The following ARMC2 variants were observed in gnomAD, a reference collection of about 807,000 sequenced individuals.
ARMC2 encodes armadillo repeat containing 2.
ARMC2 carries 67 observed loss-of-function variants against 90.3 expected under a neutral mutation model. That is an observed-to-expected ratio of 0.74 (90% CI 0.61 to 0.91). The LOEUF (loss-of-function observed/expected upper bound fraction) is 0.91, where lower values mean the gene tolerates loss of function less well. ARMC2 is among the 40% of genes least tolerant of loss of function. The probability of loss-of-function intolerance (pLI) is 0.00; values close to 1 mark genes in which losing one functional copy is unlikely to be tolerated. For synonymous variants in ARMC2, 393 were observed against 393.0 expected, an observed-to-expected ratio of 1.00 and a Z score of 0.00; for missense variants, 920 against 1,030.9, an observed-to-expected ratio of 0.89 and a Z score of 1.47.
chr6:109,014,396 C>G, the ARMC2 span, among the ~76,000 whole-genome samples: 1 of 152,120 alleles, frequency 6.6e-6, no homozygotes, highest in Non-Finnish European at 1.5e-5. Context: ...AAAGTATGGG[C>G]AACTTGACCA....
the ARMC2 span, among the ~76,000 whole-genome samples, chr6:109,027,476 CA>C: frequency 0.076 from 2,071 of 27,256 alleles, 7 homozygotes; most frequent in African/African-American, 0.18. Context: ...GACTCTGTCT[CA>C]AAAAAAAAAA....
chr6:109,028,976 T>C, the ARMC2 span, among the ~76,000 whole-genome samples: 1 of 152,210 alleles, frequency 6.6e-6, no homozygotes, highest in Non-Finnish European at 1.5e-5. Flanking sequence ...ATTAACTGTC[T>C]CATAGAGATT....
chr6:108,963,743 T>G (rs1236919660), intron 15 of ARMC2, among the ~76,000 whole-genome samples: 1 of 152,202 alleles, frequency 6.6e-6, no homozygotes, highest in Non-Finnish European at 1.5e-5. Flanking sequence ...AGTCTGAGTC[T>G]TACACATGGC....
intron 11 of ARMC2, among the ~76,000 whole-genome samples, chr6:108,932,087 T>C (rs1427829291): frequency 6.6e-6 from 1 of 151,934 alleles, no homozygotes; most frequent in Non-Finnish European, 1.5e-5. Context: ...TTTGGTGGGG[T>C]TGTTTTTCTC....
At chr6:108,894,318 A>G (rs1281549460) in intron 5 of ARMC2, 149 bp from the exon 6 acceptor site, 6 of 628,768 alleles carry the variant, frequency 9.5e-6, no homozygotes, top group Non-Finnish European at 1.5e-5. Context: ...GTGAGCTATG[A>G]TCACAGCACC....
chr6:109,016,564 A>G, the ARMC2 span, among the ~76,000 whole-genome samples: 1 of 152,192 alleles, frequency 6.6e-6, no homozygotes, highest in African/African-American at 2.4e-5. Context: ...TATTTTAAAA[A>G]TAAAATGCTG....
intron 12 of ARMC2, among the ~76,000 whole-genome samples, chr6:108,951,524 G>T (rs1486708608): frequency 6.6e-6 from 1 of 152,208 alleles, no homozygotes; most frequent in East Asian, 1.9e-4. Flanking sequence ...TTTGGCAAAT[G>T]GTTTCCGGTT....
chr6:109,026,484 A>G, the ARMC2 span, among the ~76,000 whole-genome samples: 4 of 152,130 alleles, frequency 2.6e-5, no homozygotes, highest in African/African-American at 9.7e-5. Flanking sequence ...TGGCTAAATC[A>G]TATAATAGGT....
the ARMC2 span, among the ~76,000 whole-genome samples, chr6:108,981,711 A>G: frequency 6.6e-6 from 1 of 151,304 alleles, no homozygotes; most frequent in Non-Finnish European, 1.5e-5. Flanking sequence ...TCTGTTACCC[A>G]AGCTGGAGTG....
rs556160478 is a variant in ARMC2, at chr6:108,848,471, C to A, written c.-119C>A. 4.9e-4 allele frequency: 74 copies of A among 152,544 alleles called. No individual in the cohort carries two copies. Among genetic ancestry groups the A allele is most frequent in the African/African-American group, 1.7e-3 (69 of 41,586 alleles). 9.4% of individuals were successfully genotyped at this position (152,544 alleles called of 1,614,324 possible). ...TACCCCGCCCGCGCCAGCGCTGCATCCCTGGCCGCTACCCGGGGAGAGCCG... is the reference window on the plus strand; with the variant it reads ...TACCCCGCCCGCGCCAGCGCTGCATACCTGGCCGCTACCCGGGGAGAGCCG... On this transcript the variant is annotated 5_prime_UTR_variant, in exon 1 of 18. Coordinates refer to ENST00000392644, the MANE Select transcript of ARMC2 (RefSeq NM_032131.6).
intron 5 of ARMC2, among the ~76,000 whole-genome samples, chr6:108,889,945 T>C (rs1443925340): frequency 6.6e-6 from 1 of 150,792 alleles, no homozygotes; most frequent in Non-Finnish European, 1.5e-5. Flanking sequence ...TCCCAGCACT[T>C]TGGGAGGCCG....
At chr6:108,850,027 C>T (rs71558331) in intron 1 of ARMC2, among the ~76,000 whole-genome samples, 59 of 152,320 alleles carry the variant, frequency 3.9e-4, no homozygotes, top group Non-Finnish European at 6.6e-4. Context: ...TTGCAGACAT[C>T]CTGGTAGTGC....
chr6:108,916,120 G>A (rs1286720964), intron 10 of ARMC2, among the ~76,000 whole-genome samples: 1 of 152,150 alleles, frequency 6.6e-6, no homozygotes, highest in Non-Finnish European at 1.5e-5. Context: ...GGTCTTCTTT[G>A]TGTTGTTTCT....
At chr6:109,028,264 A>G in the ARMC2 span, among the ~76,000 whole-genome samples, 1 of 152,224 alleles carries the variant, frequency 6.6e-6, no homozygotes, top group African/African-American at 2.4e-5. Context: ...GAATGGGATT[A>G]TGGGTGAAGG....
At chr6:108,857,479 CA>C (rs1774761780) in intron 2 of ARMC2, among the ~76,000 whole-genome samples, 1 of 152,138 alleles carries the variant, frequency 6.6e-6, no homozygotes, top group Non-Finnish European at 1.5e-5. Context: ...TCTTCCGTCC[CA>C]ATCTGTATGC....
chr6:108,858,744 G>T (rs1205692794), intron 3 of ARMC2, among the ~76,000 whole-genome samples: 4 of 151,768 alleles, frequency 2.6e-5, no homozygotes, highest in African/African-American at 7.3e-5. Flanking sequence ...AAATCCAATG[G>T]TCTCCTGTCC....
chr6:109,041,036 C>CA, the ARMC2 span, among the ~76,000 whole-genome samples: 1 of 151,654 alleles, frequency 6.6e-6, no homozygotes, highest in Non-Finnish European at 1.5e-5. Flanking sequence ...CACAGTGGCT[C>CA]ATGCCCATAA....
At chr6:108,916,386 C>T (rs1343297561) in intron 10 of ARMC2, among the ~76,000 whole-genome samples, 8 of 152,202 alleles carry the variant, frequency 5.3e-5, no homozygotes, top group Admixed American at 5.2e-4. Context: ...GCATTCAGTT[C>T]TGCATGTCAG....
At chr6:109,020,041 C>T in the ARMC2 span, among the ~76,000 whole-genome samples, 1 of 152,278 alleles carries the variant, frequency 6.6e-6, no homozygotes, top group East Asian at 1.9e-4. Context: ...CAGCAGGATG[C>T]AGTTCAAATA....
Sources: gnomAD v4.1 joint callset for allele counts (sites outside exome capture counted in the v4.1 genomes callset) on GRCh38, gnomAD v4.1.1 for gene constraint, MANE v1.5 for transcripts, NCBI Gene and HGNC (gene_info 2026-07-23, HGNC 2026-07-21) for gene names.